The following FOXN3 variants were observed in gnomAD, a reference collection of about 807,000 sequenced individuals.
FOXN3 encodes the protein forkhead box N3.
A neutral mutation model predicts 38.4 loss-of-function variants in FOXN3; 7 were observed. The observed-to-expected ratio is 0.18, with a 90% CI of 0.10 to 0.34. FOXN3 has a LOEUF of 0.34. Among genes scored for constraint, FOXN3 ranks in the 10% least tolerant of loss-of-function variants. FOXN3 has a pLI of 1.00. For synonymous variants in FOXN3, 230 were observed against 242.2 expected, an observed-to-expected ratio of 0.95 and a Z score of 0.47; for missense variants, 456 against 613.4, an observed-to-expected ratio of 0.74 and a Z score of 2.71.
In FOXN3 at chr14:89,190,600, C is replaced by A. The variant is rs181050540; in HGVS notation, c.746-9794G>T. On this transcript the variant is annotated intron_variant, in intron 4 of 5. Transcript: ENST00000557258. Reference sequence around the variant, plus strand: ...GCTATCCCAAAGGCGACTTTCTTCCCAGTGGGATTTGAGAAGAAGAAAAGG... The same window carrying A: ...GCTATCCCAAAGGCGACTTTCTTCCAAGTGGGATTTGAGAAGAAGAAAAGG... 1.3e-3 allele frequency: 786 copies of A among 592,914 alleles called. 2 individuals carry two copies. The highest frequency in any genetic ancestry group is 3.0e-3 in the Admixed American group (96 of 32,384). The allele number at this position is 592,914 out of a possible 1,614,324, so 36.7% of individuals were successfully genotyped here. A position where few individuals can be genotyped will look rare whatever the true frequency, so the allele number is the denominator to read the frequency against.
chr14:89,409,649 G>A (rs1383653840), intron 2 of FOXN3, among the ~76,000 whole-genome samples: 3 of 152,174 alleles, frequency 2.0e-5, no homozygotes, highest in Non-Finnish European at 4.4e-5. Context: ...TGGGGGACCT[G>A]AGCAGCACTT....
At chr14:89,377,238 T>A (rs983993426) in intron 2 of FOXN3, among the ~76,000 whole-genome samples, 2 of 151,312 alleles carry the variant, frequency 1.3e-5, no homozygotes, top group African/African-American at 4.9e-5. Context: ...AATGGGAAGA[T>A]CATTCCAGAC....
intron 3 of FOXN3, among the ~76,000 whole-genome samples, chr14:89,329,108 C>T (rs762709036): frequency 2.1e-4 from 32 of 152,170 alleles, no homozygotes; most frequent in Non-Finnish European, 3.4e-4. Flanking sequence ...CACCACTGTG[C>T]AATTCTTCGG....
intron 3 of FOXN3, among the ~76,000 whole-genome samples, chr14:89,309,004 C>A (rs1047930508): frequency 1.3e-5 from 2 of 152,164 alleles, no homozygotes; most frequent in Admixed American, 6.5e-5. Context: ...CCTGGCCGCA[C>A]GGTGGTCTGG....
intron 4 of FOXN3, among the ~76,000 whole-genome samples, chr14:89,226,647 A>G (rs1884649762): frequency 6.6e-6 from 1 of 152,102 alleles, no homozygotes; most frequent in African/African-American, 2.4e-5. Context: ...CCCAACCCCA[A>G]TTCATGTGTT....
At chr14:89,374,726 C>G (rs1890420729) in intron 2 of FOXN3, among the ~76,000 whole-genome samples, 1 of 151,946 alleles carries the variant, frequency 6.6e-6, no homozygotes, top group South Asian at 2.1e-4. Flanking sequence ...AATCCCAGCA[C>G]TTTGGGAGGC....
chr14:89,324,456 G>A (rs1485614395), intron 3 of FOXN3, among the ~76,000 whole-genome samples: 1 of 141,824 alleles, frequency 7.1e-6, no homozygotes, highest in African/African-American at 2.9e-5. Context: ...GTGTGTGTGT[G>A]TGTGTGTGTG....
intron 1 of FOXN3, among the ~76,000 whole-genome samples, chr14:89,465,902 G>C (rs1892967829): frequency 6.6e-6 from 1 of 152,272 alleles, no homozygotes. Context: ...CAGTTTTTAG[G>C]TTTACATAAA....
intron 1 of FOXN3, among the ~76,000 whole-genome samples, chr14:89,532,868 T>C (rs1162874571): frequency 6.6e-6 from 1 of 152,186 alleles, no homozygotes; most frequent in African/African-American, 2.4e-5. Flanking sequence ...AACAAAGGTA[T>C]AGCTATACAT....
At chr14:89,177,104 G>A (rs1269369572) in intron 5 of FOXN3, among the ~76,000 whole-genome samples, 1 of 149,140 alleles carries the variant, frequency 6.7e-6, no homozygotes, top group Non-Finnish European at 1.5e-5. Flanking sequence ...TCCACCTCCT[G>A]GGTTCAGGCG....
At position 89,383,110 on chromosome 14, in the gene FOXN3, T is replaced by C. The variant is rs1048385115; in HGVS notation, c.543+28824A>G. 4.0e-5 allele frequency among the ~76,000 whole-genome samples: 6 copies of C among 151,594 alleles called. No homozygotes were observed. The East Asian group carries it at 1.2e-3, about 29-fold the overall frequency. On this transcript the variant is annotated intron_variant, in intron 2 of 5. Transcript: ENST00000557258. The stretch of plus-strand genomic sequence containing the variant: ...GAATTACACTGCGGTAGCCAGGTTT[T>C]TTGATAATTTGAATAAGACCTCAGG...
chr14:89,295,825 C>G (rs1207355643), intron 3 of FOXN3, among the ~76,000 whole-genome samples: 1 of 144,256 alleles, frequency 6.9e-6, no homozygotes, highest in Non-Finnish European at 1.5e-5. Flanking sequence ...CTCTTGAACT[C>G]CTAGGCTCAA....
intron 1 of FOXN3, among the ~76,000 whole-genome samples, chr14:89,487,335 C>G (rs1165217666): frequency 2.0e-5 from 3 of 152,324 alleles, no homozygotes; most frequent in Admixed American, 6.5e-5. Flanking sequence ...TGGCATTAGC[C>G]TACGCGCTGT....
rs796545135 is a variant in FOXN3, at chr14:89,405,909, A to G, written c.543+6025T>C. ...CACATGCCCTTCAGAATTGGAGGGA[A>G]TCGGGCCAAGCATGGTGGCTCACAA... On this transcript the variant is annotated intron_variant, in intron 2 of 5. Coordinates refer to ENST00000557258, the MANE Select transcript of FOXN3 (RefSeq NM_005197.4). Among the ~76,000 whole-genome samples the G allele has an allele frequency of 9.9e-4, 150 of 152,232 alleles. 1 individual carries two copies. Among genetic ancestry groups the G allele is most frequent in the African/African-American group, 3.2e-3 (134 of 41,552 alleles).
At chr14:89,199,323 T>C (rs79211922) in intron 4 of FOXN3, among the ~76,000 whole-genome samples, 3,031 of 152,112 alleles carry the variant, frequency 0.02, 104 homozygotes, top group African/African-American at 0.069. Context: ...ATGAGCAGGA[T>C]TTTAGGGAAC....
chr14:89,469,840 C>T (rs946707175), intron 1 of FOXN3, among the ~76,000 whole-genome samples: 8 of 152,258 alleles, frequency 5.3e-5, no homozygotes, highest in African/African-American at 7.2e-5. Context: ...TCCATGTACA[C>T]GTCCGTGCTT....
intron 1 of FOXN3, among the ~76,000 whole-genome samples, chr14:89,554,151 G>A (rs1390824013): frequency 1.3e-5 from 2 of 152,008 alleles, no homozygotes; most frequent in African/African-American, 4.8e-5. Context: ...ACAGGTGCCC[G>A]CCACCATACC....
At chr14:89,567,904 A>T (rs1895395904) in intron 1 of FOXN3, among the ~76,000 whole-genome samples, 1 of 151,812 alleles carries the variant, frequency 6.6e-6, no homozygotes, top group Admixed American at 6.6e-5. Flanking sequence ...TTGTACATTT[A>T]GTAGAGACGG....
At chr14:89,492,607 G>A (rs965813978) in intron 1 of FOXN3, among the ~76,000 whole-genome samples, 1 of 152,172 alleles carries the variant, frequency 6.6e-6, no homozygotes, top group African/African-American at 2.4e-5. Flanking sequence ...GGCTACTTGG[G>A]AAACTGAGGC....
Sources: allele counts gnomAD v4.1 joint callset (sites outside exome capture counted in the v4.1 genomes callset), GRCh38; gene constraint gnomAD v4.1.1; transcripts MANE v1.5; gene names NCBI Gene and HGNC (gene_info 2026-07-23, HGNC 2026-07-21).